ADK: variants seen among roughly 807,000 people sequenced by gnomAD.
ADK encodes adenosine kinase, also known as N6,N6-dimethyladenosine kinase.
Under a neutral mutation model 44.7 loss-of-function variants are expected in ADK, and 24 were observed. The observed-to-expected ratio is 0.54, with a 90% CI of 0.39 to 0.76. The LOEUF (loss-of-function observed/expected upper bound fraction) is 0.76. Ranked by LOEUF, ADK falls within the 30% of genes least tolerant of loss-of-function variation. ADK has a pLI of 0.00. For synonymous variants in ADK, 128 were observed against 142.6 expected (o/e 0.90, Z 0.73); for missense variants, 321 against 425.1 (o/e 0.76, Z 2.15).
chr10:74,588,358 G>T (rs1459674220), intron 7 of ADK, among the ~76,000 whole-genome samples: 3 of 151,936 alleles, frequency 2.0e-5, no homozygotes, highest in African/African-American at 7.3e-5. Flanking sequence ...ACCAATTAAG[G>T]TTTATACATT....
chr10:74,436,543 C>A (rs1845184590), intron 6 of ADK, among the ~76,000 whole-genome samples: 1 of 150,606 alleles, frequency 6.6e-6, no homozygotes, highest in Non-Finnish European at 1.5e-5. Context: ...TATATTGTAA[C>A]CCTTAGGGCA....
intron 4 of ADK, among the ~76,000 whole-genome samples, chr10:74,316,845 A>G (rs1257475055): frequency 3.3e-5 from 5 of 152,086 alleles, no homozygotes; most frequent in African/African-American, 9.7e-5. Context: ...TCTCCCTGAT[A>G]TTAGTCTCAT....
At chr10:74,589,617 A>G (rs1851648385) in intron 8 of ADK, among the ~76,000 whole-genome samples, 1 of 152,210 alleles carries the variant, frequency 6.6e-6, no homozygotes, top group Admixed American at 6.5e-5. Context: ...GGGGCCTGTC[A>G]GTTTGTTCAG....
chr10:74,397,593 A>G (rs1017731019), intron 5 of ADK, among the ~76,000 whole-genome samples: 2 of 152,084 alleles, frequency 1.3e-5, no homozygotes, highest in Admixed American at 6.5e-5. Context: ...GCTGGAGTGC[A>G]GTGGCATGAT....
chr10:74,282,696 C>G (rs1046802879), intron 3 of ADK, among the ~76,000 whole-genome samples: 5 of 152,084 alleles, frequency 3.3e-5, no homozygotes, highest in Admixed American at 2.6e-4. Flanking sequence ...TTGGTTGTGA[C>G]AAATATATAT....
chr10:74,587,837 G>A (rs1425193857), intron 7 of ADK, among the ~76,000 whole-genome samples: 1 of 151,758 alleles, frequency 6.6e-6, no homozygotes, highest in Non-Finnish European at 1.5e-5. Context: ...CACAAAGAGT[G>A]AAGAAAGGGA....
intron 6 of ADK, among the ~76,000 whole-genome samples, chr10:74,489,215 ATCT>A (rs1847381097): frequency 6.6e-6 from 1 of 151,992 alleles, no homozygotes; most frequent in Non-Finnish European, 1.5e-5. Context: ...TATATGCTTC[ATCT>A]TCTTTTCAAT....
At chr10:74,389,587 G>A (rs1305712878) in intron 4 of ADK, among the ~76,000 whole-genome samples, 1 of 150,688 alleles carries the variant, frequency 6.6e-6, no homozygotes. Flanking sequence ...TTTTTTAATG[G>A]CTGTAAAAAA....
chr10:74,657,449 T>C (rs1042593319), intron 9 of ADK, among the ~76,000 whole-genome samples: 3 of 152,228 alleles, frequency 2.0e-5, no homozygotes, highest in Admixed American at 2.0e-4. Context: ...TCAGAAATGC[T>C]AAATTATTAA....
intron 3 of ADK, among the ~76,000 whole-genome samples, chr10:74,272,838 GT>G (rs1846486902): frequency 6.6e-6 from 1 of 152,166 alleles, no homozygotes; most frequent in African/African-American, 2.4e-5. Flanking sequence ...GTTGCTCTGA[GT>G]GGGGGCTCCT....
At chr10:74,483,667 C>G (rs1847155850) in intron 6 of ADK, among the ~76,000 whole-genome samples, 1 of 152,186 alleles carries the variant, frequency 6.6e-6, no homozygotes, top group Admixed American at 6.5e-5. Context: ...TAGAAGCAGA[C>G]AGGATACATC....
chr10:74,332,542 A>G (rs1433797432), intron 4 of ADK, among the ~76,000 whole-genome samples: 5 of 152,226 alleles, frequency 3.3e-5, no homozygotes, highest in African/African-American at 1.2e-4. Context: ...GTATTGGCAG[A>G]AAGTAAAAAG....
chr10:74,705,624 G>T (rs1856576497), intron 10 of ADK, among the ~76,000 whole-genome samples: 1 of 152,190 alleles, frequency 6.6e-6, no homozygotes, highest in South Asian at 2.1e-4. Context: ...TCTTTGTGTG[G>T]ATATGTGCTT....
intron 1 of ADK, among the ~76,000 whole-genome samples, chr10:74,164,243 A>G (rs779023827): frequency 6.6e-6 from 1 of 152,242 alleles, no homozygotes; most frequent in South Asian, 2.1e-4. Flanking sequence ...TTTATTAAAA[A>G]TAGTATTTTA....
intron 1 of ADK, among the ~76,000 whole-genome samples, chr10:74,165,670 A>C (rs926758772): frequency 2.0e-5 from 3 of 151,810 alleles, no homozygotes; most frequent in Non-Finnish European, 4.4e-5. Flanking sequence ...CCTCTGACTC[A>C]TGTGTCTTGC....
chr10:74,354,283 C>T (rs1022266032), intron 4 of ADK, among the ~76,000 whole-genome samples: 2 of 152,170 alleles, frequency 1.3e-5, no homozygotes, highest in African/African-American at 4.8e-5. Flanking sequence ...TAAGAATCAC[C>T]TGCACAGCCT....
At chr10:74,630,137 C>T (rs888292683) in intron 9 of ADK, among the ~76,000 whole-genome samples, 1 of 151,956 alleles carries the variant, frequency 6.6e-6, no homozygotes, top group East Asian at 1.9e-4. Context: ...TTCCATATAT[C>T]CTTCATCCAG....
chr10:74,160,567 C>T (rs1841861627), intron 1 of ADK, among the ~76,000 whole-genome samples: 1 of 152,180 alleles, frequency 6.6e-6, no homozygotes, highest in African/African-American at 2.4e-5. Flanking sequence ...GGCTTACCTG[C>T]CCTGCATTAC....
chr10:74,370,333 G>A (rs1842620674), intron 4 of ADK, among the ~76,000 whole-genome samples: 1 of 152,176 alleles, frequency 6.6e-6, no homozygotes, highest in African/African-American at 2.4e-5. Flanking sequence ...GACAGTGAAT[G>A]AGTTGTCTGA....
Sources: allele counts gnomAD v4.1 joint callset (sites outside exome capture counted in the v4.1 genomes callset), GRCh38; gene constraint gnomAD v4.1.1; transcripts MANE v1.5; gene names NCBI Gene and HGNC (gene_info 2026-07-23, HGNC 2026-07-21).